ARNT2: variants seen among roughly 807,000 people sequenced by gnomAD.
The protein encoded by ARNT2 is aryl hydrocarbon receptor nuclear translocator 2, also known as ARNT protein 2.
Under a neutral mutation model 91.7 loss-of-function variants are expected in ARNT2, and 36 were observed. The observed-to-expected ratio is 0.39, with a 90% CI of 0.30 to 0.52. ARNT2 has a LOEUF of 0.52. Ranked by LOEUF, ARNT2 falls within the 20% of genes least tolerant of loss-of-function variation. ARNT2 has a pLI of 0.72. For missense variants in ARNT2, 775 were observed against 939.3 expected, an observed-to-expected ratio of 0.83 and a Z score of 2.29; for synonymous variants, 365 against 347.1, an observed-to-expected ratio of 1.05 and a Z score of -0.57.
chr15:80,596,913 C>T lies in ARNT2; in HGVS notation c.*3215C>T, dbSNP rs116357383. 2.2e-3 allele frequency: 795 copies of T among 356,108 alleles called. 4 individuals are homozygous for T. The highest frequency in any genetic ancestry group is 0.015 in the African/African-American group (713 of 46,752). The allele number at this position is 356,108 out of a possible 1,614,324, so 22.1% of individuals were successfully genotyped here. A position where few individuals can be genotyped will look rare whatever the true frequency, so the allele number is the denominator to read the frequency against. The stretch of plus-strand genomic sequence containing the variant: ...ATGGCTCTAGAACACTCTGTCCATG[C>T]GTCACTCCCCCCAGTTTTATTTTTA... On this transcript the variant is annotated 3_prime_UTR_variant, in exon 19 of 19. Coordinates refer to ENST00000303329, the MANE Select transcript of ARNT2 (RefSeq NM_014862.4).
chr15:80,526,805 C>T (rs565956156), intron 8 of ARNT2, among the ~76,000 whole-genome samples: 1 of 152,358 alleles, frequency 6.6e-6, no homozygotes, highest in East Asian at 1.9e-4. Context: ...CTTCACCAGA[C>T]AGCTCAGTTT....
At chr15:80,558,411 C>T (rs1898243758) in intron 11 of ARNT2, among the ~76,000 whole-genome samples, 1 of 148,644 alleles carries the variant, frequency 6.7e-6, no homozygotes, top group Admixed American at 6.8e-5. Flanking sequence ...ACAATCTCGG[C>T]TCACTGCAAC....
chr15:80,435,039 C>T (rs1349929272), intron 1 of ARNT2, among the ~76,000 whole-genome samples: 1 of 152,140 alleles, frequency 6.6e-6, no homozygotes, highest in East Asian at 1.9e-4. Context: ...GGGTCACTCT[C>T]CCCTCCTACC....
intron 17 of ARNT2, among the ~76,000 whole-genome samples, chr15:80,585,147 C>T (rs1898872103): frequency 6.6e-6 from 1 of 152,188 alleles, no homozygotes; most frequent in African/African-American, 2.4e-5. Context: ...TTCACGTTAT[C>T]TTGAGCTTTA....
chr15:80,533,399 A>G (rs1206318943), intron 8 of ARNT2, among the ~76,000 whole-genome samples: 1 of 152,172 alleles, frequency 6.6e-6, no homozygotes, highest in African/African-American at 2.4e-5. Flanking sequence ...CGAGTTGGCA[A>G]ATTTTAAAAG....
At position 80,470,281 on chromosome 15, in the gene ARNT2, C is replaced by T; in HGVS notation, c.258C>T (p.Leu86=). Residue 86 remains leucine, a synonymous_variant, in exon 4 of 19, where the codon CTC becomes CTT. Transcript: ENST00000303329. ...RNKMTQYITE[L]SDMVPTCSAL... ...AGATGACTCAGTACATCACGGAGCT[C>T]TCCGACATGGTCCCCACATGCAGCG... The T allele has an allele frequency of 1.9e-6, 3 of 1,614,210 alleles. No homozygotes were observed. The highest frequency in any genetic ancestry group is 2.5e-6 in the Non-Finnish European group (3 of 1,180,040).
intron 17 of ARNT2, among the ~76,000 whole-genome samples, chr15:80,588,810 C>T (rs1195781410): frequency 2.0e-5 from 3 of 152,194 alleles, no homozygotes; most frequent in Non-Finnish European, 1.5e-5. Context: ...AGGTATCCCT[C>T]GTAAGCGTTT....
At chr15:80,433,348 C>T (rs1380235878) in intron 1 of ARNT2, among the ~76,000 whole-genome samples, 8 of 146,056 alleles carry the variant, frequency 5.5e-5, no homozygotes, top group Admixed American at 2.1e-4. Context: ...TGCAGTGGTG[C>T]GATCTCGGCT....
intron 2 of ARNT2, 71 bp from the exon 3 acceptor site, chr15:80,457,858 C>T: frequency 6.5e-7 from 1 of 1,538,048 alleles, no homozygotes; most frequent in Non-Finnish European, 9.0e-7. Flanking sequence ...TCCTTTTGTT[C>T]CAGCAGCTCC....
chr15:80,481,905 T>A (rs1896896896), intron 5 of ARNT2, among the ~76,000 whole-genome samples: 2 of 152,158 alleles, frequency 1.3e-5, no homozygotes, highest in South Asian at 2.1e-4. Context: ...GGCTCATTTT[T>A]AAATTTTTTT....
intron 1 of ARNT2, among the ~76,000 whole-genome samples, chr15:80,439,571 T>G (rs552561589): frequency 6.6e-6 from 1 of 152,240 alleles, no homozygotes; most frequent in Non-Finnish European, 1.5e-5. Context: ...ATCATGATAT[T>G]TAAAGGTTAA....
At chr15:80,514,847 C>T (rs1280606632) in intron 8 of ARNT2, among the ~76,000 whole-genome samples, 3 of 152,144 alleles carry the variant, frequency 2.0e-5, no homozygotes, top group Non-Finnish European at 2.9e-5. Context: ...GATTTCGCCA[C>T]TGTATTCCAG....
At chr15:80,472,738 G>A (rs562566461) in intron 4 of ARNT2, among the ~76,000 whole-genome samples, 3 of 152,334 alleles carry the variant, frequency 2.0e-5, no homozygotes, top group African/African-American at 7.2e-5. Context: ...TCGTGTGGTT[G>A]TGGTGAGGAA....
At chr15:80,498,865 CG>C (rs2141416904) in intron 5 of ARNT2, among the ~76,000 whole-genome samples, 1 of 152,266 alleles carries the variant, frequency 6.6e-6, no homozygotes. Context: ...CGGTGGGTGC[CG>C]TCTTATTTTC....
intron 12 of ARNT2, among the ~76,000 whole-genome samples, chr15:80,564,159 C>T (rs140361138): frequency 7.5e-4 from 114 of 152,274 alleles, no homozygotes; most frequent in African/African-American, 2.6e-3. Flanking sequence ...GTCTCACCAT[C>T]GTAGTCAGTG....
intron 5 of ARNT2, among the ~76,000 whole-genome samples, chr15:80,477,984 G>A (rs1227206113): frequency 6.6e-6 from 1 of 152,158 alleles, no homozygotes; most frequent in African/African-American, 2.4e-5. Flanking sequence ...TTTTCTCCTG[G>A]CAGTAAGCTT....
chr15:80,543,801 C>T (rs1250757735), intron 8 of ARNT2, among the ~76,000 whole-genome samples: 1 of 152,130 alleles, frequency 6.6e-6, no homozygotes, highest in Non-Finnish European at 1.5e-5. Context: ...TGTACATTGG[C>T]CTGATCTCGG....
intron 5 of ARNT2, among the ~76,000 whole-genome samples, chr15:80,494,133 C>T (rs959779799): frequency 7.9e-5 from 12 of 152,144 alleles, no homozygotes; most frequent in Admixed American, 6.5e-5. Context: ...TCCTTTATAG[C>T]AACACAAAAT....
chr15:80,584,660 A>G (rs906386984), intron 17 of ARNT2, among the ~76,000 whole-genome samples: 9 of 152,224 alleles, frequency 5.9e-5, no homozygotes, highest in Admixed American at 1.3e-4. Context: ...TGCAATGGAC[A>G]CACACCCTAG....
Sources: gnomAD v4.1 joint callset for allele counts (sites outside exome capture counted in the v4.1 genomes callset) on GRCh38, gnomAD v4.1.1 for gene constraint, MANE v1.5 for transcripts, NCBI Gene and HGNC (gene_info 2026-07-23, HGNC 2026-07-21) for gene names.